Variants in EIF4ENIF1 observed in about 807,000 individuals in gnomAD.
EIF4ENIF1 encodes eukaryotic translation initiation factor 4E nuclear import factor 1, also known as eukaryotic translation initiation factor 4E transporter.
A neutral mutation model predicts 110.5 loss-of-function variants in EIF4ENIF1; 23 were observed. The observed-to-expected ratio is 0.21, with a 90% confidence interval of 0.15 to 0.29. The LOEUF (loss-of-function observed/expected upper bound fraction) is 0.29, where lower values mean the gene tolerates loss of function less well. EIF4ENIF1 is among the 10% of genes least tolerant of loss of function. EIF4ENIF1 has a pLI of 1.00. For missense variants in EIF4ENIF1, 1,031 were observed against 1,221.1 expected (o/e 0.84, Z 2.32); for synonymous variants, 440 against 437.0 (o/e 1.01, Z -0.09).
At position 31,463,064 on chromosome 22, in the gene EIF4ENIF1, GTTC is replaced by G. The variant is rs1205328159; in HGVS notation, c.652_654del (p.Glu218del). On this transcript the variant is annotated inframe_deletion, in exon 6 of 19. Transcript: ENST00000330125. ...GTGGGTCCAGCAGAGAACCACTCTG[GTTC>G]TTCTTCTGTGTAAGAATCATTTCTT... 6 of 1,613,992 alleles carry G rather than the reference GTTC, an allele frequency of 3.7e-6. No individual in the cohort carries two copies. The highest frequency in any genetic ancestry group is 1.1e-5 in the South Asian group (1 of 91,078).
intron 15 of EIF4ENIF1, among the ~76,000 whole-genome samples, chr22:31,443,663 A>G (rs1353905211): frequency 6.6e-6 from 1 of 152,084 alleles, no homozygotes. Flanking sequence ...ATAAACAAAA[A>G]AGTTCTTTCC....
chr22:31,442,929 T>C (rs766193156), intron 16 of EIF4ENIF1, 33 bp downstream of exon 16: 2 of 1,611,236 alleles, frequency 1.2e-6, no homozygotes, highest in South Asian at 1.1e-5. Context: ...TCACATACTT[T>C]CTTGAGCAGT....
At chr22:31,492,269 T>C (rs1426895958), upstream of EIF4ENIF1, among the ~76,000 whole-genome samples, 1 of 152,206 alleles carries the variant, frequency 6.6e-6, no homozygotes, top group Non-Finnish European at 1.5e-5. Context: ...CGTGCCACAT[T>C]CTGTTCCTTA....
intron 14 of EIF4ENIF1, among the ~76,000 whole-genome samples, chr22:31,445,602 TAC>T (rs1431593566): frequency 1.3e-5 from 2 of 152,186 alleles, no homozygotes; most frequent in Admixed American, 1.3e-4. Flanking sequence ...GAGCACCTGC[TAC>T]AGACACTGTT....
At chr22:31,456,411 G>A (rs984208574) in intron 7 of EIF4ENIF1, among the ~76,000 whole-genome samples, 1 of 151,708 alleles carries the variant, frequency 6.6e-6, no homozygotes, top group Non-Finnish European at 1.5e-5. Context: ...TTTTAGTAGA[G>A]ACGGGGTTTT....
upstream of EIF4ENIF1, among the ~76,000 whole-genome samples, chr22:31,493,090 G>A (rs1440267093): frequency 2.0e-5 from 3 of 151,772 alleles, no homozygotes; most frequent in African/African-American, 7.3e-5. Flanking sequence ...CTGGAGTGCA[G>A]TAGCGTAATC....
At chr22:31,455,527 T>C (rs995576949) in intron 8 of EIF4ENIF1, among the ~76,000 whole-genome samples, 1 of 151,902 alleles carries the variant, frequency 6.6e-6, no homozygotes, top group Non-Finnish European at 1.5e-5. Flanking sequence ...GCCTCCTGAG[T>C]AGCTGGGACT....
At chr22:31,443,303 T>TAATCCCCATTACAA in intron 15 of EIF4ENIF1, 2 of 608,004 alleles carry the variant, frequency 3.3e-6, no homozygotes, top group Non-Finnish European at 5.4e-6. Context: ...CTTACAACTG[T>TAATCCCCATTACAA]GTGATAATGG....
At chr22:31,437,269 T>C (rs2050184013), downstream of EIF4ENIF1, 1 of 152,258 alleles carries the variant, frequency 6.6e-6, no homozygotes, top group South Asian at 2.1e-4. Context: ...GGATGCCTTC[T>C]ATATCCTCAG....
At chr22:31,456,205 CTTTT>C (rs1233744995) in intron 7 of EIF4ENIF1, among the ~76,000 whole-genome samples, 1 of 150,578 alleles carries the variant, frequency 6.6e-6, no homozygotes, top group East Asian at 2.0e-4. Flanking sequence ...ACTTACTTTC[CTTTT>C]TTATTTTTTA....
intron 17 of EIF4ENIF1, among the ~76,000 whole-genome samples, 184 bp from the exon 18 acceptor site, chr22:31,441,052 C>T (rs1044695296): frequency 3.9e-5 from 6 of 152,000 alleles, no homozygotes; most frequent in Non-Finnish European, 7.4e-5. Flanking sequence ...GTCAGGAGTT[C>T]GAGACCAGTA....
intron 10 of EIF4ENIF1, 116 bp from the exon 11 acceptor site, chr22:31,450,476 C>T (rs2050612304): frequency 1.3e-6 from 1 of 749,596 alleles, no homozygotes; most frequent in Non-Finnish European, 2.3e-6. Context: ...CAGAATGATA[C>T]TCAAGTCACA....
chr22:31,451,429 A>ACGCCCAG (rs1007060232), intron 10 of EIF4ENIF1, among the ~76,000 whole-genome samples: 40 of 147,070 alleles, frequency 2.7e-4, no homozygotes, highest in African/African-American at 9.6e-4. Context: ...ACATGCCACC[A>ACGCCCAG]CGCCCAGCTA....
intron 2 of EIF4ENIF1, among the ~76,000 whole-genome samples, chr22:31,485,728 C>G (rs909857354): frequency 6.6e-6 from 1 of 151,866 alleles, no homozygotes; most frequent in Non-Finnish European, 1.5e-5. Context: ...TGCTTGAACC[C>G]GGGAAGCGGA....
chr22:31,443,189 C>A, intron 15 of EIF4ENIF1, 95 bp from the exon 16 acceptor site: 1 of 1,517,378 alleles, frequency 6.6e-7, no homozygotes, highest in African/African-American at 1.4e-5. Flanking sequence ...AACAAAGAGT[C>A]CCCACATTGG....
Position 31,468,182 on chromosome 22 carries a change from C to T in EIF4ENIF1, c.291G>A (p.Arg97=), listed in dbSNP as rs756784759. 6.2e-7 allele frequency: 1 copy of T among 1,614,068 alleles called. No individual in the cohort carries two copies. The highest frequency in any genetic ancestry group is 2.2e-5 in the East Asian group (1 of 44,882). ...LDTDRPSLVR[R]IVDPRERVKE... is the part of the protein sequence containing the mutation. ...GAGTGACTGTGTGCTCACCTACTAT[C>T]CTGCGCACCAGGGAAGGCCGGTCTG... The change falls in exon 4 of 19, where the codon AGG becomes AGA. Residue 97 remains arginine, a synonymous_variant. Transcript: ENST00000330125.
chr22:31,454,215 T>C lies in EIF4ENIF1; in HGVS notation c.1441A>G (p.Met481Val). 1 of 1,614,202 alleles carries C rather than the reference T, an allele frequency of 6.2e-7. No individual in the cohort carries two copies. The highest frequency in any genetic ancestry group is 8.5e-7 in the Non-Finnish European group (1 of 1,180,018). Residue 481 changes from methionine to valine, a missense_variant, in exon 10 of 19, where the codon ATG becomes GTG. Around this residue, in one of 3 missense-constraint regions of EIF4ENIF1, gnomAD observed 704 missense variants for 879.7 expected, o/e 0.80. Transcript: ENST00000330125. ...CTCACTAGCTTGTTGAACGCAGTCA[T>C]GTCTCCGTCTTTCTTCAGTTGTCGA... ...NNRQLKKDGD[M>V]TAFNKLVSTM...
chr22:31,468,454 G>A lies in EIF4ENIF1; in HGVS notation c.171-152C>T, dbSNP rs191374203. On this transcript the variant is annotated intron_variant, in intron 3 of 18. Coordinates refer to ENST00000330125, the MANE Select transcript of EIF4ENIF1 (RefSeq NM_019843.4). ...CTGTCGCCCAGGATGGAGCGCAGTG[G>A]CGTGATCTCAGCTCACTGCACCCTC... 9.0e-5 allele frequency: 98 copies of A among 1,087,546 alleles called. 1 individual carries two copies. The African/African-American group carries it at 1.2e-3, about 13-fold the overall frequency. 67.4% of individuals were successfully genotyped at this position (1,087,546 alleles called of 1,614,324 possible).
intron 4 of EIF4ENIF1, among the ~76,000 whole-genome samples, chr22:31,466,152 C>T (rs1382204392): frequency 6.6e-6 from 1 of 152,126 alleles, no homozygotes; most frequent in East Asian, 1.9e-4. Context: ...GTGACTCATG[C>T]CTGTGATCCC....
Sources: allele counts gnomAD v4.1 joint callset (sites outside exome capture counted in the v4.1 genomes callset), GRCh38; gene constraint gnomAD v4.1.1; regional missense constraint gnomAD v4.1.1; transcripts MANE v1.5; gene names NCBI Gene and HGNC (gene_info 2026-07-23, HGNC 2026-07-21).